UBE2W: variants seen among roughly 807,000 people sequenced by gnomAD.
UBE2W encodes the protein ubiquitin-conjugating enzyme E2 W.
A neutral mutation model predicts 27.2 loss-of-function variants in UBE2W; 18 were observed. The ratio of observed to expected loss-of-function variants is 0.66; its 90% CI spans 0.46 to 0.98. The LOEUF (loss-of-function observed/expected upper bound fraction) is 0.98. Ranked by LOEUF, UBE2W falls within the 50% of genes least tolerant of loss-of-function variation. The probability of loss-of-function intolerance (pLI) is 0.00; values close to 1 mark genes in which losing one functional copy is unlikely to be tolerated. For missense variants in UBE2W, 90 were observed against 180.2 expected (o/e 0.50, Z 2.87); for synonymous variants, 53 against 57.2 (o/e 0.93, Z 0.33).
intron 5 of UBE2W, among the ~76,000 whole-genome samples, chr8:73,799,900 T>C (rs756723342): frequency 1.1e-4 from 16 of 152,154 alleles, no homozygotes; most frequent in South Asian, 6.2e-4. Flanking sequence ...CCATATGTCT[T>C]GGTAACTAGG....
intron 1 of UBE2W, among the ~76,000 whole-genome samples, chr8:73,832,476 A>T (rs1419049828): frequency 6.6e-6 from 1 of 152,248 alleles, no homozygotes; most frequent in Non-Finnish European, 1.5e-5. Context: ...CTAATCTTAC[A>T]TTAAAAAAAT....
chr8:73,798,996 C>T (rs994195544), intron 5 of UBE2W, among the ~76,000 whole-genome samples: 1 of 151,974 alleles, frequency 6.6e-6, no homozygotes, highest in Non-Finnish European at 1.5e-5. Flanking sequence ...CCTCCCACTC[C>T]CGCACTGCCT....
intron 1 of UBE2W, among the ~76,000 whole-genome samples, chr8:73,851,960 TTTTA>T (rs1183763446): frequency 6.8e-6 from 1 of 146,890 alleles, no homozygotes; most frequent in African/African-American, 2.5e-5. Context: ...TTTTTTTTTT[TTTTA>T]AAAAAAAAAA....
At chr8:73,817,772 CA>C (rs1417962114) in intron 3 of UBE2W, among the ~76,000 whole-genome samples, 1 of 152,170 alleles carries the variant, frequency 6.6e-6, no homozygotes, top group Non-Finnish European at 1.5e-5. Context: ...CTTGGCCTCC[CA>C]AAGTGCTGGG....
Position 73,789,760 on chromosome 8 carries a change from C to T in UBE2W, c.*4342G>A. 1 of 332,778 alleles carries T rather than the reference C, an allele frequency of 3.0e-6. No homozygotes were observed. Among genetic ancestry groups the T allele is most frequent in the South Asian group, 1.2e-4 (1 of 8,276 alleles). The allele number at this position is 332,778 out of a possible 1,614,324, so 20.6% of individuals were successfully genotyped here. On this transcript the variant is annotated 3_prime_UTR_variant, in exon 6 of 6. Coordinates refer to ENST00000602593, the MANE Select transcript of UBE2W (RefSeq NM_018299.6). ...GGCTGAGGCAGGAGAATCGCTTAGA[C>T]CCAGGAGGTGGAGATTGAAATGAGC... is the stretch of plus-strand genomic sequence containing the variant.
rs1808078797 is a variant in UBE2W at position 73,788,983 on chromosome 8, G to A, written c.*5119C>T. ...ACAAAAAATTTTTCATAAAAAAATA[G>A]TCATTTAATCATTCTAGAGACTCAT... On this transcript the variant is annotated 3_prime_UTR_variant, in exon 6 of 6. Transcript: ENST00000602593. 1.0e-6 allele frequency: 1 copy of A among 982,554 alleles called. No individual in the cohort carries two copies. The allele number at this position is 982,554 out of a possible 1,614,324, so 60.9% of individuals were successfully genotyped here.
intron 1 of UBE2W, among the ~76,000 whole-genome samples, chr8:73,857,845 A>G (rs1811369479): frequency 6.6e-6 from 1 of 151,944 alleles, no homozygotes; most frequent in Admixed American, 6.6e-5. Flanking sequence ...AAAAATAAAA[A>G]TAAAAAAACC....
chr8:73,790,523 T>A lies in UBE2W; in HGVS notation c.*3579A>T. 1.0e-6 allele frequency: 1 copy of A among 984,460 alleles called. No homozygotes were observed. The highest frequency in any genetic ancestry group is 1.2e-6 in the Non-Finnish European group (1 of 829,050). The allele number at this position is 984,460 out of a possible 1,614,324, so 61.0% of individuals were successfully genotyped here. A position where few individuals can be genotyped will look rare whatever the true frequency, so the allele number is the denominator to read the frequency against. ...ATACACAATTACAAATAATTGTAAATTTTAAGCATTCAGCTAAGATATGTA... is the reference window on the plus strand; with the variant it reads ...ATACACAATTACAAATAATTGTAAAATTTAAGCATTCAGCTAAGATATGTA... On this transcript the variant is annotated 3_prime_UTR_variant, in exon 6 of 6. Coordinates refer to ENST00000602593, the MANE Select transcript of UBE2W (RefSeq NM_018299.6).
In UBE2W at chr8:73,787,288, T is replaced by C. The variant is rs1344937110; in HGVS notation, c.*6814A>G. 4.1e-6 allele frequency: 4 copies of C among 985,344 alleles called. No homozygotes were observed. The highest frequency in any genetic ancestry group is 3.5e-5 in the African/African-American group (2 of 57,244). The allele number at this position is 985,344 out of a possible 1,614,324, so 61.0% of individuals were successfully genotyped here. A position where few individuals can be genotyped will look rare whatever the true frequency, so the allele number is the denominator to read the frequency against. ...CTTCTTCAATTTAGCTTATGTTTAATTTTGTTACGTGTTATGTTAGTGTGA... is the reference window on the plus strand; with the variant it reads ...CTTCTTCAATTTAGCTTATGTTTAACTTTGTTACGTGTTATGTTAGTGTGA... On this transcript the variant is annotated 3_prime_UTR_variant, in exon 6 of 6. Coordinates refer to ENST00000602593, the MANE Select transcript of UBE2W (RefSeq NM_018299.6).
At chr8:73,806,390 C>A (rs879302444) in intron 4 of UBE2W, among the ~76,000 whole-genome samples, 6 of 151,078 alleles carry the variant, frequency 4.0e-5, no homozygotes, top group Admixed American at 4.0e-4. Flanking sequence ...GACTCCATCT[C>A]AAAAAATAAA....
chr8:73,786,821 A>C lies in UBE2W; in HGVS notation c.*7281T>G. The C allele has an allele frequency of 1.0e-6, 1 of 985,446 alleles. No individual in the cohort carries two copies. The highest frequency in any genetic ancestry group is 1.7e-5 in the African/African-American group (1 of 57,374). The allele number at this position is 985,446 out of a possible 1,614,324, so 61.0% of individuals were successfully genotyped here. ...AGGACTTGAAAAATGCAAGGAGAGGACTACTGAGTATCATTGCTTGATTAA... is the reference window on the plus strand; with the variant it reads ...AGGACTTGAAAAATGCAAGGAGAGGCCTACTGAGTATCATTGCTTGATTAA... On this transcript the variant is annotated 3_prime_UTR_variant, in exon 6 of 6. Coordinates refer to ENST00000602593, the MANE Select transcript of UBE2W (RefSeq NM_018299.6).
intron 1 of UBE2W, among the ~76,000 whole-genome samples, chr8:73,845,655 A>C (rs1302993060): frequency 2.6e-5 from 4 of 152,034 alleles, no homozygotes; most frequent in African/African-American, 7.2e-5. Flanking sequence ...CTATTGTCCT[A>C]TGACCCTGCC....
chr8:73,874,708 T>C (rs915554990), intron 1 of UBE2W, among the ~76,000 whole-genome samples: 2 of 152,240 alleles, frequency 1.3e-5, no homozygotes, highest in Non-Finnish European at 2.9e-5. Flanking sequence ...CAAAATTAAA[T>C]GTAGATCTGT....
intron 1 of UBE2W, 123 bp downstream of exon 1, chr8:73,878,685 G>A (rs972860149): frequency 4.4e-5 from 38 of 856,994 alleles, no homozygotes; most frequent in African/African-American, 1.2e-4. Flanking sequence ...AGGGAAAACA[G>A]GCCACCCGGA....
chr8:73,837,003 T>C (rs147355035), intron 1 of UBE2W, among the ~76,000 whole-genome samples: 1 of 152,144 alleles, frequency 6.6e-6, no homozygotes, highest in Non-Finnish European at 1.5e-5. Context: ...TAGCCAAATA[T>C]TACCCTTGTC....
chr8:73,819,673 A>G (rs567227960), intron 3 of UBE2W, among the ~76,000 whole-genome samples: 2 of 152,320 alleles, frequency 1.3e-5, no homozygotes, highest in South Asian at 4.1e-4. Flanking sequence ...CTCTGTTTCC[A>G]TATTAACAGA....
chr8:73,830,416 G>C lies in UBE2W; in HGVS notation c.72C>G (p.Thr24=). The C allele has an allele frequency of 1.2e-6, 2 of 1,613,644 alleles. No individual in the cohort carries two copies. The highest frequency in any genetic ancestry group is 2.7e-5 in the African/African-American group (2 of 75,006). ...ALQNDPPPGM[T]LNEKSVQNSI... is the part of the protein sequence containing the mutation. ...AATTTTGAACACTCTTCTCATTTAA[G>C]GTCATTCCAGGAGGTGGGTCATTTT... The change falls in exon 2 of 6, where the codon ACC becomes ACG. Residue 24 remains threonine (T), a synonymous_variant. Transcript: ENST00000602593.
intron 1 of UBE2W, among the ~76,000 whole-genome samples, chr8:73,854,640 C>T (rs920866088): frequency 1.3e-5 from 2 of 152,138 alleles, no homozygotes; most frequent in Non-Finnish European, 2.9e-5. Context: ...ACCATAGATT[C>T]TCTGAGAACA....
At chr8:73,864,602 C>T (rs1586542964) in intron 1 of UBE2W, among the ~76,000 whole-genome samples, 1 of 152,016 alleles carries the variant, frequency 6.6e-6, no homozygotes, top group Non-Finnish European at 1.5e-5. Flanking sequence ...GACAGAGTCT[C>T]GCTCTATGGC....
Sources: allele counts gnomAD v4.1 joint callset (sites outside exome capture counted in the v4.1 genomes callset), GRCh38; gene constraint gnomAD v4.1.1; transcripts MANE v1.5; gene names NCBI Gene and HGNC (gene_info 2026-07-23, HGNC 2026-07-21).